The following FOXN2 variants were observed in gnomAD, a reference collection of about 807,000 sequenced individuals.
FOXN2 encodes the protein forkhead box N2.
FOXN2 carries 19 observed loss-of-function variants against 41.2 expected under a neutral mutation model. The ratio of observed to expected loss-of-function variants is 0.46; its 90% CI spans 0.32 to 0.68. The LOEUF (loss-of-function observed/expected upper bound fraction) is 0.68, where lower values mean the gene tolerates loss of function less well. Ranked by LOEUF, FOXN2 falls within the 30% of genes least tolerant of loss-of-function variation. The pLI is 0.03. For synonymous variants in FOXN2, 195 were observed against 176.8 expected, an observed-to-expected ratio of 1.10 and a Z score of -0.82; for missense variants, 587 against 509.4, an observed-to-expected ratio of 1.15 and a Z score of -1.47.
chr2:48,351,041 C>G (rs930132901), intron 3 of FOXN2, among the ~76,000 whole-genome samples: 1 of 152,036 alleles, frequency 6.6e-6, no homozygotes, highest in African/African-American at 2.4e-5. Context: ...TCTCGGCCCA[C>G]TGCAACCTCC....
At chr2:48,328,253 A>G (rs538271295) in intron 1 of FOXN2, among the ~76,000 whole-genome samples, 1 of 152,144 alleles carries the variant, frequency 6.6e-6, no homozygotes, top group Non-Finnish European at 1.5e-5. Context: ...TTGTTTTTCA[A>G]GTGCAATGTA....
chr2:48,339,314 G>C (rs1670583511), intron 2 of FOXN2, among the ~76,000 whole-genome samples: 1 of 152,114 alleles, frequency 6.6e-6, no homozygotes, highest in Non-Finnish European at 1.5e-5. Context: ...GGGGCCTTGT[G>C]GGAGGTGATT....
At chr2:48,322,167 C>T (rs182546832) in intron 1 of FOXN2, among the ~76,000 whole-genome samples, 6 of 152,100 alleles carry the variant, frequency 3.9e-5, no homozygotes, top group Non-Finnish European at 8.8e-5. Flanking sequence ...AGGCTGGTCT[C>T]GAACTCCTGA....
intron 6 of FOXN2, 73 bp downstream of exon 6, chr2:48,373,433 A>G (rs1673038001): frequency 5.9e-6 from 5 of 845,534 alleles, no homozygotes; most frequent in Admixed American, 5.1e-5. Flanking sequence ...TAAAATAACT[A>G]TTACAGACAA....
chr2:48,334,421 T>C (rs1331745410), intron 2 of FOXN2, among the ~76,000 whole-genome samples: 1 of 152,006 alleles, frequency 6.6e-6, no homozygotes, highest in East Asian at 1.9e-4. Context: ...CATAAGAAAT[T>C]ATGTGCTAAA....
intron 2 of FOXN2, among the ~76,000 whole-genome samples, chr2:48,345,009 A>G (rs1227337976): frequency 6.6e-6 from 1 of 152,208 alleles, no homozygotes; most frequent in Non-Finnish European, 1.5e-5. Flanking sequence ...GTCTCATGAT[A>G]AAGTTTTTGA....
At chr2:48,362,578 A>G in intron 4 of FOXN2, 65 bp from the exon 5 acceptor site, 1 of 1,463,324 alleles carries the variant, frequency 6.8e-7, no homozygotes, top group East Asian at 2.3e-5. Context: ...ACCTGTCAAA[A>G]ATTAGGGGGA....
chr2:48,332,608 A>C (rs567666776), intron 2 of FOXN2, among the ~76,000 whole-genome samples: 1 of 152,302 alleles, frequency 6.6e-6, no homozygotes, highest in Non-Finnish European at 1.5e-5. Flanking sequence ...AAACTTCAAA[A>C]TATAAAGCAT....
At chr2:48,326,274 G>A (rs1669667899) in intron 1 of FOXN2, among the ~76,000 whole-genome samples, 1 of 152,172 alleles carries the variant, frequency 6.6e-6, no homozygotes, top group African/African-American at 2.4e-5. Context: ...AGAGGAGAAA[G>A]CATGGTCTAT....
intron 2 of FOXN2, among the ~76,000 whole-genome samples, chr2:48,329,250 TTATTAA>T (rs904303323): frequency 2.6e-5 from 4 of 152,264 alleles, no homozygotes; most frequent in Non-Finnish European, 1.5e-5. Context: ...TGACAGAAAA[TTATTAA>T]TATTTAAATA....
chr2:48,354,320 G>A (rs1319870158), intron 3 of FOXN2, among the ~76,000 whole-genome samples: 1 of 152,208 alleles, frequency 6.6e-6, no homozygotes, highest in Non-Finnish European at 1.5e-5. Context: ...GTGCTGTGCT[G>A]GCTGGGCGCG....
intron 3 of FOXN2, among the ~76,000 whole-genome samples, chr2:48,352,762 A>C (rs1352140866): frequency 6.6e-6 from 1 of 152,216 alleles, no homozygotes; most frequent in Non-Finnish European, 1.5e-5. Flanking sequence ...ATTTGAAAGG[A>C]ATATAGACAT....
chr2:48,334,510 G>A (rs1416335785), intron 2 of FOXN2, among the ~76,000 whole-genome samples: 4 of 152,190 alleles, frequency 2.6e-5, no homozygotes, highest in East Asian at 3.8e-4. Context: ...GGTGAACCAC[G>A]TACCTGGATC....
rs922469855 is a variant in FOXN2, at chr2:48,377,859, C to A, written c.*2416C>A. On this transcript the variant is annotated 3_prime_UTR_variant, in exon 7 of 7. Coordinates refer to ENST00000340553, the MANE Select transcript of FOXN2 (RefSeq NM_002158.4). The stretch of plus-strand genomic sequence containing the variant: ...TTCCACTGAGAGTATGCTCTCATTC[C>A]TCAGGTGTTTTGAGAAACATGACTA... 2 of 151,984 alleles carry A rather than the reference C, an allele frequency of 1.3e-5. No individual in the cohort carries two copies. The highest frequency in any genetic ancestry group is 2.9e-5 in the Non-Finnish European group (2 of 67,882). The allele number at this position is 151,984 out of a possible 1,614,324, so 9.4% of individuals were successfully genotyped here.
At chr2:48,366,792 T>C (rs1672564890) in intron 5 of FOXN2, among the ~76,000 whole-genome samples, 1 of 151,842 alleles carries the variant, frequency 6.6e-6, no homozygotes, top group African/African-American at 2.4e-5. Flanking sequence ...CAAAGAAGGA[T>C]TCAGATTGAA....
chr2:48,334,198 T>C (rs1229142803), intron 2 of FOXN2, among the ~76,000 whole-genome samples: 2 of 152,198 alleles, frequency 1.3e-5, no homozygotes, highest in Non-Finnish European at 2.9e-5. Flanking sequence ...TTTAAAAATA[T>C]CTCTCACTTT....
At chr2:48,360,790 GTT>G (rs757595172) in intron 4 of FOXN2, among the ~76,000 whole-genome samples, 10 of 136,572 alleles carry the variant, frequency 7.3e-5, no homozygotes, top group Non-Finnish European at 1.1e-4. Context: ...GCTGTGTTGG[GTT>G]TTTTTTTTTT....
At chr2:48,368,046 T>C (rs1453726586) in intron 5 of FOXN2, among the ~76,000 whole-genome samples, 1 of 152,148 alleles carries the variant, frequency 6.6e-6, no homozygotes, top group Admixed American at 6.6e-5. Flanking sequence ...TTCACCATAT[T>C]GGCCAGGCTG....
chr2:48,342,478 A>G (rs1037954199), intron 2 of FOXN2, among the ~76,000 whole-genome samples: 5 of 152,158 alleles, frequency 3.3e-5, no homozygotes, highest in Admixed American at 6.5e-5. Context: ...GAAATTTTTA[A>G]TAATTCGTGA....
Sources: gnomAD v4.1 joint callset for allele counts (sites outside exome capture counted in the v4.1 genomes callset) on GRCh38, gnomAD v4.1.1 for gene constraint, MANE v1.5 for transcripts, NCBI Gene and HGNC (gene_info 2026-07-23, HGNC 2026-07-21) for gene names.